Variants in DISP1 observed in about 807,000 individuals in gnomAD.
The protein encoded by DISP1 is dispatched RND transporter family member 1.
A neutral mutation model predicts 37.3 loss-of-function variants in DISP1; 30 were observed. That is an observed-to-expected ratio of 0.80 (90% CI 0.60 to 1.09). DISP1 has a LOEUF of 1.09. DISP1 is among the 50% of genes least tolerant of loss of function. DISP1 has a pLI of 0.00. For missense variants in DISP1, 1,598 were observed against 1,879.5 expected (o/e 0.85, Z 2.77); for synonymous variants, 634 against 690.2 (o/e 0.92, Z 1.28).
At chr1:222,969,098 C>A (rs184083458) in intron 3 of DISP1, among the ~76,000 whole-genome samples, 1 of 149,662 alleles carries the variant, frequency 6.7e-6, no homozygotes, top group African/African-American at 2.5e-5. Flanking sequence ...ATGCTGGGCA[C>A]GGTGGCTCAC....
intron 4 of DISP1, among the ~76,000 whole-genome samples, chr1:222,983,477 C>T (rs996881952): frequency 2.0e-5 from 3 of 151,928 alleles, no homozygotes; most frequent in Non-Finnish European, 4.4e-5. Context: ...ATTAGCCAGG[C>T]GTGGAGGCAC....
At chr1:222,840,127 T>C (rs1287372531) in intron 1 of DISP1, among the ~76,000 whole-genome samples, 1 of 152,188 alleles carries the variant, frequency 6.6e-6, no homozygotes, top group Non-Finnish European at 1.5e-5. Flanking sequence ...GTCATATGGG[T>C]ACCAAAAGTA....
chr1:222,824,089 A>G (rs1663658641), intron 1 of DISP1: 1 of 150,810 alleles, frequency 6.6e-6, no homozygotes, highest in Non-Finnish European at 1.5e-5. Flanking sequence ...TATAAGATAA[A>G]TACTTCTAAT....
rs376572704 is a variant in DISP1, at chr1:222,861,704, CAAT to C, written c.-159+46629_-159+46631del. 2.4e-3 allele frequency among the ~76,000 whole-genome samples: 369 copies of C among 152,232 alleles called. 1 individual carries two copies. The highest frequency in any genetic ancestry group is 0.015 in the South Asian group (72 of 4,830). ...ATTATTAGCATATTTCAAAACACCA[CAAT>C]AAATTATTAAACTTGCATTTAAAAA... On this transcript the variant is annotated intron_variant, in intron 1 of 8. Coordinates refer to ENST00000675850, the MANE Select transcript of DISP1 (RefSeq NM_001377229.1).
intron 1 of DISP1, among the ~76,000 whole-genome samples, chr1:222,826,100 C>T (rs973855811): frequency 2.0e-5 from 3 of 152,062 alleles, no homozygotes; most frequent in Admixed American, 6.6e-5. Flanking sequence ...ACAGAGGTCT[C>T]GTTTCATTGC....
chr1:222,828,489 A>G (rs1664959471), intron 1 of DISP1, among the ~76,000 whole-genome samples: 1 of 152,178 alleles, frequency 6.6e-6, no homozygotes, highest in South Asian at 2.1e-4. Context: ...CAGAAATAAC[A>G]GTGTTTATAT....
At chr1:222,894,540 T>TGGGAGCA (rs1671131596) in intron 1 of DISP1, among the ~76,000 whole-genome samples, 1 of 152,202 alleles carries the variant, frequency 6.6e-6, no homozygotes, top group African/African-American at 2.4e-5. Flanking sequence ...GAGCGAGTGC[T>TGGGAGCA]GGGAGCAGGG....
chr1:222,904,778 G>A (rs1383342550), intron 1 of DISP1, among the ~76,000 whole-genome samples: 1 of 152,008 alleles, frequency 6.6e-6, no homozygotes, highest in East Asian at 1.9e-4. Context: ...ATATTGGCCA[G>A]GCTGGTCTTG....
At chr1:222,968,114 A>G (rs1456315937) in intron 3 of DISP1, among the ~76,000 whole-genome samples, 2 of 152,240 alleles carry the variant, frequency 1.3e-5, no homozygotes, top group African/African-American at 4.8e-5. Context: ...TACACTAGGA[A>G]AAATGAAACA....
At chr1:222,979,002 A>G (rs35353117) in intron 3 of DISP1, among the ~76,000 whole-genome samples, 148,280 of 151,740 alleles carry the variant, frequency 0.98, 72,527 homozygotes, top group East Asian at 1. Context: ...TTGGCGATGC[A>G]GGCTCTTTTT....
At chr1:222,816,417 A>G (rs1417897052) in intron 1 of DISP1, among the ~76,000 whole-genome samples, 1 of 152,194 alleles carries the variant, frequency 6.6e-6, no homozygotes, top group African/African-American at 2.4e-5. Context: ...GCTAGGAAGA[A>G]TCATAACACT....
In DISP1 at chr1:222,951,081, A is replaced by G. The variant is rs1675184765; in HGVS notation, c.509+7749A>G. Among the ~76,000 whole-genome samples, 4 of 152,168 alleles carry G rather than the reference A, an allele frequency of 2.6e-5. No individual in the cohort carries two copies. The South Asian group carries it at 8.3e-4, about 31-fold the overall frequency. On this transcript the variant is annotated intron_variant, in intron 3 of 8. Coordinates refer to ENST00000675850, the MANE Select transcript of DISP1 (RefSeq NM_001377229.1). ...AAGGTGATTTCATAGACAGATGGCCATTTTGAATGTTTCATGTGACTCACT... is the reference window on the plus strand; with the variant it reads ...AAGGTGATTTCATAGACAGATGGCCGTTTTGAATGTTTCATGTGACTCACT...
intron 1 of DISP1, among the ~76,000 whole-genome samples, chr1:222,861,894 G>A (rs942193687): frequency 6.6e-6 from 1 of 151,954 alleles, no homozygotes; most frequent in African/African-American, 2.4e-5. Context: ...ATAACTTCTC[G>A]TACAGTGGGG....
intron 1 of DISP1, among the ~76,000 whole-genome samples, chr1:222,876,373 G>C (rs1460254082): frequency 6.6e-6 from 1 of 152,138 alleles, no homozygotes; most frequent in Non-Finnish European, 1.5e-5. Flanking sequence ...TTGGTGAACA[G>C]TTTTGCATTT....
intron 1 of DISP1, among the ~76,000 whole-genome samples, chr1:222,837,611 A>G (rs1428685097): frequency 6.6e-6 from 1 of 152,228 alleles, no homozygotes; most frequent in East Asian, 1.9e-4. Flanking sequence ...TTCTATTATC[A>G]GTGGATTTAA....
chr1:222,824,946 G>A (rs1663939364), intron 1 of DISP1, among the ~76,000 whole-genome samples: 2 of 151,990 alleles, frequency 1.3e-5, no homozygotes, highest in Non-Finnish European at 1.5e-5. Context: ...TCCATCTGCC[G>A]CTACTGCAAA....
At chr1:222,992,893 C>T (rs1180346509) in intron 7 of DISP1, among the ~76,000 whole-genome samples, 6 of 73,630 alleles carry the variant, frequency 8.1e-5, no homozygotes, top group Non-Finnish European at 1.8e-4. Flanking sequence ...CAGAGTTTCG[C>T]TCTTGTTGCC....
intron 3 of DISP1, among the ~76,000 whole-genome samples, chr1:222,971,375 G>GATTTTTTATT (rs1165547884): frequency 6.7e-6 from 1 of 149,426 alleles, no homozygotes; most frequent in Non-Finnish European, 1.5e-5. Flanking sequence ...TGATACAGTG[G>GATTTTTTATT]ATTTTTTATT....
At position 223,003,329 on chromosome 1, in the gene DISP1, T is replaced by C; in HGVS notation, c.1932T>C (p.Asn644=). ...GVYAGTAILV[N]YVLMVTWLPA... Reference sequence around the variant, plus strand: ...ATGCGGGGACAGCTATATTGGTGAATTACGTTTTGATGGTCACATGGCTTC... The same window carrying C: ...ATGCGGGGACAGCTATATTGGTGAACTACGTTTTGATGGTCACATGGCTTC... The change falls in exon 9 of 9, where the codon AAT becomes AAC. Residue 644 remains asparagine, a synonymous_variant. Coordinates refer to ENST00000675850, the MANE Select transcript of DISP1 (RefSeq NM_001377229.1). The surrounding 1 kb of genome is among the most constrained non-coding windows in gnomAD (Gnocchi z 4.3). 6.2e-7 allele frequency: 1 copy of C among 1,614,186 alleles called. No homozygotes were observed. The highest frequency in any genetic ancestry group is 8.5e-7 in the Non-Finnish European group (1 of 1,180,040).
Sources: gnomAD v4.1 joint callset for allele counts (sites outside exome capture counted in the v4.1 genomes callset) on GRCh38, gnomAD v4.1.1 for gene constraint, Gnocchi (gnomAD v3.1) non-coding constraint, MANE v1.5 for transcripts, NCBI Gene and HGNC (gene_info 2026-07-23, HGNC 2026-07-21) for gene names.